Variants in AKAP12 observed in about 807,000 individuals in gnomAD.
AKAP12 encodes A-kinase anchor protein 12.
AKAP12 carries 32 observed loss-of-function variants against 79.9 expected under a neutral mutation model. That is an observed-to-expected ratio of 0.40 (90% confidence interval 0.30 to 0.54). The LOEUF is 0.54. Among genes scored for constraint, AKAP12 ranks in the 20% least tolerant of loss-of-function variants. The probability of loss-of-function intolerance (pLI) is 0.48; values close to 1 mark genes in which losing one functional copy is unlikely to be tolerated. For synonymous variants in AKAP12, 808 were observed against 857.0 expected (o/e 0.94, Z 1.00); for missense variants, 2,074 against 2,177.0 (o/e 0.95, Z 0.94).
At chr6:151,277,049 A>T (rs928592120) in intron 2 of AKAP12, among the ~76,000 whole-genome samples, 12 of 152,232 alleles carry the variant, frequency 7.9e-5, no homozygotes, top group African/African-American at 2.9e-4. Context: ...CTAAAAACAA[A>T]TACAACAACC....
intron 3 of AKAP12, among the ~76,000 whole-genome samples, chr6:151,323,276 C>G (rs762852963): frequency 4.6e-5 from 7 of 152,202 alleles, no homozygotes; most frequent in African/African-American, 1.7e-4. Context: ...TCAGGCCGGA[C>G]GCAGTGGCTC....
At chr6:151,278,279 G>A (rs1776325471) in intron 2 of AKAP12, among the ~76,000 whole-genome samples, 1 of 152,152 alleles carries the variant, frequency 6.6e-6, no homozygotes, top group Non-Finnish European at 1.5e-5. Context: ...AAAGTGGTGC[G>A]ATCTCGGCTC....
Position 151,349,203 on chromosome 6 carries a change from A to G in AKAP12, c.812A>G (p.Glu271Gly), listed in dbSNP as rs61757550. 3.0e-3 allele frequency: 4,770 copies of G among 1,613,924 alleles called. 60 individuals carry two copies. The highest frequency in any genetic ancestry group is 0.023 in the South Asian group (2,115 of 91,078). ...AVEECKEEGE[E>G]KQEKEPSKSA... Reference sequence around the variant, plus strand: ...GAGGAATGCAAAGAGGAAGGAGAAGAGAAACAAGAAAAAGAACCTAGCAAG... The same window carrying G: ...GAGGAATGCAAAGAGGAAGGAGAAGGGAAACAAGAAAAAGAACCTAGCAAG... Residue 271 changes from glutamate to glycine, a missense_variant, in exon 4 of 5, where the codon GAG becomes GGG. Physicochemically the swap from Glu to Gly is moderately conservative, Grantham distance 98 (BLOSUM62 -2). This residue lies in a region of AKAP12 where 1,428 missense variants were observed against 1,451.0 expected (regional missense o/e 0.98). Coordinates refer to ENST00000402676, the MANE Select transcript of AKAP12 (RefSeq NM_005100.4).
chr6:151,272,761 G>T (rs1053647807), intron 2 of AKAP12, among the ~76,000 whole-genome samples: 1 of 152,096 alleles, frequency 6.6e-6, no homozygotes, highest in Non-Finnish European at 1.5e-5. Context: ...CAAACTCCTG[G>T]CCTCAAGTGA....
intron 3 of AKAP12, among the ~76,000 whole-genome samples, chr6:151,311,948 C>A (rs896382793): frequency 1.3e-5 from 2 of 152,328 alleles, no homozygotes; most frequent in East Asian, 3.9e-4. Flanking sequence ...ATGACTCCCC[C>A]ACCCCATACC....
In AKAP12 at chr6:151,240,435, T is replaced by C. The variant is rs1324090319; in HGVS notation, c.-128T>C. ...ATTCGCAGGCTGGGCGCGTTCGCAG[T>C]CGGCTGGCGGCGAAGGAAGGCGCTC... On this transcript the variant is annotated 5_prime_UTR_variant, in exon 2 of 5. Coordinates refer to ENST00000402676, the MANE Select transcript of AKAP12 (RefSeq NM_005100.4). 9.5e-7 allele frequency: 1 copy of C among 1,058,068 alleles called. No individual in the cohort carries two copies. Among genetic ancestry groups the C allele is most frequent in the Non-Finnish European group, 1.2e-6 (1 of 819,308 alleles). The allele number at this position is 1,058,068 out of a possible 1,614,324, so 65.5% of individuals were successfully genotyped here. A position where few individuals can be genotyped will look rare whatever the true frequency, so the allele number is the denominator to read the frequency against.
At chr6:151,353,790 T>C in intron 4 of AKAP12, 38 bp downstream of exon 4, 1 of 1,418,602 alleles carries the variant, frequency 7.0e-7, no homozygotes, top group Non-Finnish European at 9.4e-7. Context: ...TTTTCTCTTT[T>C]ATGCCAATAG....
In AKAP12 at chr6:151,349,099, A is replaced by G. The variant is rs1778199963; in HGVS notation, c.708A>G (p.Thr236=). Residue 236 remains threonine, a synonymous_variant, in exon 4 of 5, where the codon ACA becomes ACG. Coordinates refer to ENST00000402676, the MANE Select transcript of AKAP12 (RefSeq NM_005100.4). ...ASKESEPKQS[T]EKPEETLKRE... is the part of the protein sequence containing the mutation. ...AAGAAAGCGAACCCAAACAATCTAC[A>G]GAGAAACCCGAAGAGACCCTGAAGC... The G allele has an allele frequency of 6.2e-7, 1 of 1,612,444 alleles. No individual in the cohort carries two copies. Among genetic ancestry groups the G allele is most frequent in the African/African-American group, 1.3e-5 (1 of 74,636 alleles).
chr6:151,240,850 C>T, intron 2 of AKAP12, 126 bp downstream of exon 2: 1 of 925,234 alleles, frequency 1.1e-6, no homozygotes. Context: ...TCTGCAAACT[C>T]AGGAGTGCGA....
At chr6:151,339,204 G>A (rs1258895412) in intron 3 of AKAP12, among the ~76,000 whole-genome samples, 2 of 152,194 alleles carry the variant, frequency 1.3e-5, no homozygotes, top group Non-Finnish European at 2.9e-5. Context: ...GCCATAAGTG[G>A]CGCTTATGAA....
chr6:151,347,062 C>T (rs1412777260), intron 3 of AKAP12, among the ~76,000 whole-genome samples: 1 of 152,192 alleles, frequency 6.6e-6, no homozygotes. Flanking sequence ...GGTGACAATG[C>T]ACACATTGCA....
Position 151,325,436 on chromosome 6 carries a change from C to G in AKAP12, c.319+19533C>G, listed in dbSNP as rs1396050621. On this transcript the variant is annotated intron_variant, in intron 3 of 4. Coordinates refer to ENST00000402676, the MANE Select transcript of AKAP12 (RefSeq NM_005100.4). ...CAGCATCGAACTCATGCCCAGCACC[C>G]TTTAAACCCTCCCGGGACTCTGCAG... The G allele has an allele frequency of 8.1e-6, 8 of 985,332 alleles. 1 individual carries two copies. The Admixed American group carries it at 3.1e-4, about 38-fold the overall frequency. The allele number at this position is 985,332 out of a possible 1,614,324, so 61.0% of individuals were successfully genotyped here.
At position 151,279,694 on chromosome 6, in the gene AKAP12, C is replaced by G. The variant is rs1776358211; in HGVS notation, c.163-26053C>G. On this transcript the variant is annotated intron_variant, in intron 2 of 4. Coordinates refer to ENST00000402676, the MANE Select transcript of AKAP12 (RefSeq NM_005100.4). ...AAACGGGCTGGAGACAATAAGCAAGCAAAAGCCGGCGAGGTGGCAGGCGCC... is the reference window on the plus strand; with the variant it reads ...AAACGGGCTGGAGACAATAAGCAAGGAAAAGCCGGCGAGGTGGCAGGCGCC... 4.0e-5 allele frequency among the ~76,000 whole-genome samples: 6 copies of G among 151,560 alleles called. No homozygotes were observed. The Admixed American group carries it at 4.0e-4, about 10-fold the overall frequency.
intron 2 of AKAP12, among the ~76,000 whole-genome samples, chr6:151,264,294 A>G (rs1797504286): frequency 6.6e-6 from 1 of 151,816 alleles, no homozygotes; most frequent in African/African-American, 2.4e-5. Context: ...TGTTTAAAGC[A>G]AATTATTAGT....
intron 2 of AKAP12, among the ~76,000 whole-genome samples, chr6:151,282,704 G>A (rs952544668): frequency 1.1e-4 from 17 of 152,192 alleles, no homozygotes; most frequent in African/African-American, 4.1e-4. Context: ...CTGCTCACAG[G>A]GATTCTTTGA....
At position 151,350,595 on chromosome 6, in the gene AKAP12, A is replaced by G; in HGVS notation, c.2204A>G (p.His735Arg). 6.2e-7 allele frequency: 1 copy of G among 1,614,144 alleles called. No homozygotes were observed. Among genetic ancestry groups the G allele is most frequent in the South Asian group, 1.1e-5 (1 of 91,072 alleles). ...GGGATCCTTGCTGGTTCCCAAGAAC[A>G]TGATCCAGGGCAGGGAAGTTCCTCC... is the stretch of plus-strand genomic sequence containing the variant. The part of the protein sequence containing the change: ...TDGILAGSQE[H>R]DPGQGSSSPE... Residue 735 changes from histidine to arginine, a missense_variant, in exon 4 of 5, where the codon CAT becomes CGT. Physicochemically the swap from His to Arg is conservative, Grantham distance 29. Transcript: ENST00000402676. The surrounding 1 kb of genome is among the most constrained non-coding windows in gnomAD (Gnocchi z 4.8).
intron 2 of AKAP12, among the ~76,000 whole-genome samples, chr6:151,276,293 TC>T (rs1776290782): frequency 6.6e-6 from 1 of 152,218 alleles, no homozygotes; most frequent in Non-Finnish European, 1.5e-5. Flanking sequence ...TAGCAAGGTG[TC>T]CTGGTGGTTA....
At chr6:151,337,513 A>G (rs777450181) in intron 3 of AKAP12, among the ~76,000 whole-genome samples, 8 of 80,902 alleles carry the variant, frequency 9.9e-5, no homozygotes, top group East Asian at 8.7e-4. Context: ...TTCCGTCTCG[A>G]AAAAAAAAAA....
chr6:151,276,983 G>A (rs772212033), intron 2 of AKAP12, among the ~76,000 whole-genome samples: 9 of 152,202 alleles, frequency 5.9e-5, no homozygotes, highest in Non-Finnish European at 1.2e-4. Flanking sequence ...ATCAATTGAA[G>A]CAATTTAAGT....
Sources: allele counts gnomAD v4.1 joint callset (sites outside exome capture counted in the v4.1 genomes callset), GRCh38; gene constraint gnomAD v4.1.1; regional missense constraint gnomAD v4.1.1; non-coding constraint Gnocchi (gnomAD v3.1); transcripts MANE v1.5; gene names NCBI Gene and HGNC (gene_info 2026-07-23, HGNC 2026-07-21).